TNR: variants seen among roughly 807,000 people sequenced by gnomAD.
TNR encodes tenascin R.
TNR carries 45 observed loss-of-function variants against 150.4 expected under a neutral mutation model. That is an observed-to-expected ratio of 0.30 (90% confidence interval 0.24 to 0.38). TNR has a LOEUF of 0.38. TNR is among the 10% of genes least tolerant of loss of function. The pLI is 1.00. For synonymous variants in TNR, 687 were observed against 678.4 expected (o/e 1.01, Z -0.20); for missense variants, 1,544 against 1,759.1 (o/e 0.88, Z 2.19).
intron 1 of TNR, among the ~76,000 whole-genome samples, chr1:175,533,348 T>A (rs1660147844): frequency 1.3e-5 from 2 of 152,180 alleles, no homozygotes; most frequent in African/African-American, 4.8e-5. Context: ...AACTCGAAAC[T>A]TCTTAGTTCC....
At chr1:175,488,396 G>A (rs1557964346) in intron 2 of TNR, among the ~76,000 whole-genome samples, 1 of 152,190 alleles carries the variant, frequency 6.6e-6, no homozygotes, top group Non-Finnish European at 1.5e-5. Flanking sequence ...TCACCACTGA[G>A]GATTAAATAC....
At chr1:175,650,337 C>T (rs897525482) in intron 1 of TNR, among the ~76,000 whole-genome samples, 38 of 152,022 alleles carry the variant, frequency 2.5e-4, no homozygotes, top group African/African-American at 8.5e-4. Context: ...GAGCTAAGAT[C>T]ATGCCACTGC....
At chr1:175,361,747 G>A (rs1303214275) in intron 14 of TNR, among the ~76,000 whole-genome samples, 1 of 152,176 alleles carries the variant, frequency 6.6e-6, no homozygotes, top group Non-Finnish European at 1.5e-5. Flanking sequence ...ACGTGCTGTG[G>A]GAATGATGGC....
chr1:175,345,077 C>T lies in TNR; in HGVS notation c.3383-7398G>A, dbSNP rs2101997865. Among the ~76,000 whole-genome samples the T allele has an allele frequency of 4.6e-5, 7 of 152,090 alleles. 2 individuals are homozygous for T. Among genetic ancestry groups the T allele is most frequent in the Admixed American group, 4.6e-4 (7 of 15,290 alleles). The stretch of plus-strand genomic sequence containing the variant: ...GAGCCGAGATCAAGCCACTGCACTC[C>T]AGCCCAGGTGACAGAGTGAGACTCT... On this transcript the variant is annotated intron_variant, in intron 18 of 22. Transcript: ENST00000367674.
At chr1:175,570,678 TTC>T (rs1330563765) in intron 1 of TNR, among the ~76,000 whole-genome samples, 1 of 152,140 alleles carries the variant, frequency 6.6e-6, no homozygotes, top group East Asian at 1.9e-4. Context: ...CCCTTCTTCC[TTC>T]TCTCTCTTTT....
intron 2 of TNR, among the ~76,000 whole-genome samples, chr1:175,424,686 T>C (rs11802850): frequency 0.042 from 6,402 of 151,716 alleles, 212 homozygotes; most frequent in African/African-American, 0.095. Context: ...AGGATGGGAG[T>C]TACAGGACTG....
At chr1:175,657,308 T>C (rs1330220123) in intron 1 of TNR, among the ~76,000 whole-genome samples, 1 of 152,176 alleles carries the variant, frequency 6.6e-6, no homozygotes, top group Non-Finnish European at 1.5e-5. Flanking sequence ...AGGAACACTT[T>C]TACACTGTTG....
intron 1 of TNR, among the ~76,000 whole-genome samples, chr1:175,672,684 A>G (rs1665738012): frequency 6.6e-6 from 1 of 152,184 alleles, no homozygotes; most frequent in Non-Finnish European, 1.5e-5. Context: ...ACAGCACTTG[A>G]GAAACTTCCA....
chr1:175,578,572 T>A (rs1420800737), intron 1 of TNR, among the ~76,000 whole-genome samples: 1 of 151,634 alleles, frequency 6.6e-6, no homozygotes, highest in Non-Finnish European at 1.5e-5. Context: ...GGGAGAGAGA[T>A]GAATGAGAGA....
At chr1:175,644,983 C>A (rs760898526) in intron 1 of TNR, among the ~76,000 whole-genome samples, 2 of 152,044 alleles carry the variant, frequency 1.3e-5, no homozygotes, top group Non-Finnish European at 2.9e-5. Flanking sequence ...CTTTCAGAGT[C>A]TTGGGAATGA....
intron 1 of TNR, among the ~76,000 whole-genome samples, chr1:175,672,186 A>C (rs1665723139): frequency 6.6e-6 from 1 of 152,172 alleles, no homozygotes; most frequent in African/African-American, 2.4e-5. Flanking sequence ...TATTATGAAG[A>C]CCAAATTTAA....
chr1:175,472,576 A>C (rs1657351191), intron 2 of TNR, among the ~76,000 whole-genome samples: 1 of 152,234 alleles, frequency 6.6e-6, no homozygotes, highest in Non-Finnish European at 1.5e-5. Context: ...GACAGCTACT[A>C]CGTCACTAGA....
At chr1:175,552,138 T>C (rs1413085766) in intron 1 of TNR, among the ~76,000 whole-genome samples, 2 of 152,162 alleles carry the variant, frequency 1.3e-5, no homozygotes, top group African/African-American at 4.8e-5. Flanking sequence ...AATCTTATAG[T>C]ATTGTTTGAC....
chr1:175,323,402 G>A lies in TNR; in HGVS notation c.4032C>T (p.Asn1344=). The part of the protein sequence containing the change: ...PFVEMKMRPY[N]HRLMAGRKRQ... Reference sequence around the variant, plus strand: ...GTTTTCTCCCTGCCATGAGACGGTGGTTGTAGGGGCGCATCTTCATTTCCA... The same window carrying A: ...GTTTTCTCCCTGCCATGAGACGGTGATTGTAGGGGCGCATCTTCATTTCCA... The change falls in exon 23 of 23, where the codon AAC becomes AAT. Residue 1344 remains asparagine, a synonymous_variant. Coordinates refer to ENST00000367674, the MANE Select transcript of TNR (RefSeq NM_003285.3). 1 of 1,614,152 alleles carries A rather than the reference G, an allele frequency of 6.2e-7. No individual in the cohort carries two copies. The highest frequency in any genetic ancestry group is 8.5e-7 in the Non-Finnish European group (1 of 1,179,998).
intron 2 of TNR, among the ~76,000 whole-genome samples, chr1:175,504,252 T>C (rs1216818826): frequency 1.3e-5 from 2 of 152,116 alleles, no homozygotes; most frequent in Non-Finnish European, 2.9e-5. Flanking sequence ...TGGCTGTCTT[T>C]TCCAGGCCCA....
At chr1:175,575,304 C>A (rs1662053806) in intron 1 of TNR, among the ~76,000 whole-genome samples, 1 of 152,196 alleles carries the variant, frequency 6.6e-6, no homozygotes, top group South Asian at 2.1e-4. Flanking sequence ...TTGTTTTAAG[C>A]CACTGAGCAT....
At chr1:175,681,680 G>GT (rs1666038408) in intron 1 of TNR, among the ~76,000 whole-genome samples, 1 of 152,182 alleles carries the variant, frequency 6.6e-6, no homozygotes, top group South Asian at 2.1e-4. Context: ...GTCTCCACCT[G>GT]TACAACAGTG....
At position 175,700,066 on chromosome 1, in the gene TNR, C is replaced by T. The variant is rs115066039; in HGVS notation, c.-165+43160G>A. Among the ~76,000 whole-genome samples the T allele has an allele frequency of 4.3e-3, 647 of 151,660 alleles. 1 individual carries two copies. Among genetic ancestry groups the T allele is most frequent in the African/African-American group, 0.015 (613 of 41,342 alleles). ...GGTAAGGCTGGGACAGCTGCCGGAC[C>T]ACCATGACCCCAAGCGAAGGAGAAA... On this transcript the variant is annotated intron_variant, in intron 1 of 22. Coordinates refer to ENST00000367674, the MANE Select transcript of TNR (RefSeq NM_003285.3).
At chr1:175,328,068 A>G (rs1649512574) in intron 21 of TNR, among the ~76,000 whole-genome samples, 1 of 152,260 alleles carries the variant, frequency 6.6e-6, no homozygotes, top group Admixed American at 6.5e-5. Context: ...AGATCACGCC[A>G]CTGCACACCA....
Sources: allele counts gnomAD v4.1 joint callset (sites outside exome capture counted in the v4.1 genomes callset), GRCh38; gene constraint gnomAD v4.1.1; transcripts MANE v1.5; gene names NCBI Gene and HGNC (gene_info 2026-07-23, HGNC 2026-07-21).